Variants in PSD3 observed in about 807,000 individuals in gnomAD.
PSD3 encodes pleckstrin and Sec7 domain containing 3.
A neutral mutation model predicts 105.5 loss-of-function variants in PSD3; 49 were observed. That is an observed-to-expected ratio of 0.46 (90% confidence interval 0.37 to 0.59). The LOEUF is 0.59. PSD3 is among the 20% of genes least tolerant of loss of function. The pLI, the probability that PSD3 is intolerant of heterozygous loss-of-function variation, is 0.00. For missense variants in PSD3, 1,561 were observed against 1,263.8 expected (o/e 1.24, Z -3.57); for synonymous variants, 557 against 457.8 (o/e 1.22, Z -2.77).
chr8:18,693,142 A>T (rs1435173995), intron 9 of PSD3, among the ~76,000 whole-genome samples: 1 of 152,168 alleles, frequency 6.6e-6, no homozygotes, highest in Non-Finnish European at 1.5e-5. Context: ...TTTCAAACAC[A>T]TTTCCCCCAA....
chr8:19,018,824 T>A (rs1447001118), intron 1 of PSD3, among the ~76,000 whole-genome samples: 1 of 152,116 alleles, frequency 6.6e-6, no homozygotes, highest in Non-Finnish European at 1.5e-5. Context: ...TGAGACAGAG[T>A]CTTGCTCTGT....
intron 1 of PSD3, among the ~76,000 whole-genome samples, chr8:18,954,209 T>G (rs1823414916): frequency 6.6e-6 from 1 of 151,906 alleles, no homozygotes; most frequent in Admixed American, 6.6e-5. Flanking sequence ...TAAACATGCA[T>G]AGAAAAAAAT....
intron 9 of PSD3, among the ~76,000 whole-genome samples, chr8:18,765,218 C>T (rs1806873895): frequency 6.6e-6 from 1 of 152,134 alleles, no homozygotes; most frequent in South Asian, 2.1e-4. Context: ...ACCAACCATT[C>T]CAAATTTACT....
chr8:18,727,585 C>G (rs1466293935), intron 9 of PSD3, among the ~76,000 whole-genome samples: 1 of 149,398 alleles, frequency 6.7e-6, no homozygotes, highest in Non-Finnish European at 1.5e-5. Flanking sequence ...CACACACACG[C>G]ACGCACACAC....
chr8:18,952,865 T>C (rs962366657), intron 1 of PSD3, among the ~76,000 whole-genome samples: 33 of 152,172 alleles, frequency 2.2e-4, no homozygotes, highest in African/African-American at 7.5e-4. Context: ...GACGAGGTGA[T>C]GGCCAGCAGG....
rs112611848 is a variant in PSD3 at position 18,897,489 on chromosome 8, T to C, written c.131-24756A>G. Among the ~76,000 whole-genome samples the C allele has an allele frequency of 7.7e-3, 1,178 of 152,310 alleles. 15 individuals are homozygous for C. Among genetic ancestry groups the C allele is most frequent in the African/African-American group, 0.027 (1,126 of 41,568 alleles). On this transcript the variant is annotated intron_variant, in intron 2 of 15. Coordinates refer to ENST00000327040, the MANE Select transcript of PSD3 (RefSeq NM_015310.4). The stretch of plus-strand genomic sequence containing the variant: ...CTTCTTGCTTTGGCTATCCAGGGTA[T>C]TGTGTGGTTCTAGGCAAATTTTAGG...
chr8:18,658,768 C>T (rs574065211), intron 9 of PSD3, among the ~76,000 whole-genome samples: 10 of 151,956 alleles, frequency 6.6e-5, no homozygotes, highest in African/African-American at 2.2e-4. Flanking sequence ...CTAAACACTA[C>T]CTTAAGGGTA....
rs549430270 is a variant in PSD3 at position 18,655,320 on chromosome 8, C to T, written c.2216+322G>A. Among the ~76,000 whole-genome samples, 92 of 130,082 alleles carry T rather than the reference C, an allele frequency of 7.1e-4. 3 individuals carry two copies. The South Asian group carries it at 0.024, about 33-fold the overall frequency. The allele number at this position is 130,082 out of a possible 152,430, so 85.3% of individuals were successfully genotyped here. ...CTCCAGCCTGGGCGACAAAGCCAGACTCCACCTCAAAAAAAAAAAAAAAAA... is the reference window on the plus strand; with the variant it reads ...CTCCAGCCTGGGCGACAAAGCCAGATTCCACCTCAAAAAAAAAAAAAAAAA... On this transcript the variant is annotated intron_variant, in intron 10 of 15. Transcript: ENST00000327040.
intron 12 of PSD3, among the ~76,000 whole-genome samples, chr8:18,576,804 G>T (rs1242557826): frequency 6.6e-6 from 1 of 151,936 alleles, no homozygotes; most frequent in African/African-American, 2.4e-5. Flanking sequence ...GAATTTATAT[G>T]CCACCTCCAT....
At chr8:18,562,877 A>G (rs966380134) in intron 14 of PSD3, among the ~76,000 whole-genome samples, 1 of 151,444 alleles carries the variant, frequency 6.6e-6, no homozygotes, top group Non-Finnish European at 1.5e-5. Flanking sequence ...CGACAGAGTG[A>G]GACTCTGTCT....
At chr8:18,575,315 A>G in intron 12 of PSD3, 30 bp from the exon 13 acceptor site, 7 of 1,525,356 alleles carry the variant, frequency 4.6e-6, no homozygotes, top group Non-Finnish European at 6.2e-6. Flanking sequence ...AAATAAAGGC[A>G]AAAATCACGA....
In PSD3 at chr8:18,600,646, C is replaced by A. The variant is rs550292187; in HGVS notation, c.2411-212G>T. 2.6e-5 allele frequency among the ~76,000 whole-genome samples: 4 copies of A among 152,116 alleles called. No homozygotes were observed. In the South Asian group the frequency reaches 6.2e-4, roughly 24 times the overall value. On this transcript the variant is annotated intron_variant, in intron 11 of 15. Coordinates refer to ENST00000327040, the MANE Select transcript of PSD3 (RefSeq NM_015310.4). The stretch of plus-strand genomic sequence containing the variant: ...ATCTTAATATTTACAATGCTCCTAC[C>A]AGGTTGGTGCTATTTCTCTCTTCTT...
At chr8:18,638,328 GA>G (rs35460545) in intron 10 of PSD3, among the ~76,000 whole-genome samples, 13,721 of 142,660 alleles carry the variant, frequency 0.096, 818 homozygotes, top group East Asian at 0.2. Flanking sequence ...AATTAGGCAA[GA>G]AAAAAAAAAA....
chr8:19,007,441 C>G (rs1045343425), intron 1 of PSD3, among the ~76,000 whole-genome samples: 1 of 151,886 alleles, frequency 6.6e-6, no homozygotes, highest in African/African-American at 2.4e-5. Context: ...ATTTCACATG[C>G]TTAGCAGCCA....
At chr8:19,056,743 TC>T (rs570844236) in intron 1 of PSD3, among the ~76,000 whole-genome samples, 64 of 152,200 alleles carry the variant, frequency 4.2e-4, no homozygotes, top group Non-Finnish European at 7.4e-4. Flanking sequence ...TATCCAAATA[TC>T]CCTTGCTGAC....
rs71217391 is a variant in PSD3, at chr8:18,616,628, C to CTTTTTTTTTTTTT, written c.2410+15972_2410+15984dup. On this transcript the variant is annotated intron_variant, in intron 11 of 15. Transcript: ENST00000327040. ...GCCTCATCTTCCTCTCTTTTCTTTT[C>CTTTTTTTTTTTTT]TTTTTTTTTTTTTGAGACGGAGTCT... is the stretch of plus-strand genomic sequence containing the variant. Among the ~76,000 whole-genome samples, 109 of 126,772 alleles carry CTTTTTTTTTTTTT rather than the reference C, an allele frequency of 8.6e-4. 1 individual carries two copies. The highest frequency in any genetic ancestry group is 1.3e-3 in the Non-Finnish European group (78 of 61,104). The allele number at this position is 126,772 out of a possible 152,430, so 83.2% of individuals were successfully genotyped here.
chr8:18,891,175 T>G (rs1818761292), intron 2 of PSD3, among the ~76,000 whole-genome samples: 3 of 152,142 alleles, frequency 2.0e-5, no homozygotes, highest in African/African-American at 7.2e-5. Context: ...ATAAGGCAAC[T>G]CTAAGTAACT....
chr8:18,912,348 T>A (rs1434266671), intron 2 of PSD3, among the ~76,000 whole-genome samples: 1 of 152,180 alleles, frequency 6.6e-6, no homozygotes, highest in East Asian at 1.9e-4. Context: ...CTTCACAATG[T>A]TAACCGCTAC....
intron 14 of PSD3, among the ~76,000 whole-genome samples, chr8:18,565,881 T>C (rs1010639020): frequency 1.3e-5 from 2 of 152,130 alleles, no homozygotes; most frequent in African/African-American, 4.8e-5. Context: ...GGGGTCCCTA[T>C]TGGCATCTAG....
Sources: gnomAD v4.1 joint callset for allele counts (sites outside exome capture counted in the v4.1 genomes callset) on GRCh38, gnomAD v4.1.1 for gene constraint, MANE v1.5 for transcripts, NCBI Gene and HGNC (gene_info 2026-07-23, HGNC 2026-07-21) for gene names.